The following ZCCHC10 variants were observed in gnomAD, a reference collection of about 807,000 sequenced individuals.
ZCCHC10 encodes the protein zinc finger CCHC-type containing 10.
ZCCHC10 carries 16 observed loss-of-function variants against 19.5 expected under a neutral mutation model. The ratio of observed to expected loss-of-function variants is 0.82; its 90% CI spans 0.56 to 1.25. The LOEUF is 1.25. ZCCHC10 is among the 50% of genes most tolerant of loss of function. The pLI is 0.00. For synonymous variants in ZCCHC10, 67 were observed against 72.5 expected (o/e 0.92, Z 0.38); for missense variants, 197 against 201.0 (o/e 0.98, Z 0.12).
chr5:133,005,037 C>T (rs1466954658), intron 3 of ZCCHC10, among the ~76,000 whole-genome samples: 5 of 152,004 alleles, frequency 3.3e-5, no homozygotes, highest in African/African-American at 9.6e-5. Context: ...CGGTGGCTCA[C>T]GCCTGTAATC....
chr5:133,010,141 C>G (rs148154605), intron 2 of ZCCHC10, among the ~76,000 whole-genome samples: 2,340 of 151,218 alleles, frequency 0.015, 76 homozygotes, highest in African/African-American at 0.055. Context: ...CTCTGCCCCC[C>G]AGGTTCAAGC....
At position 133,005,143 on chromosome 5, in the gene ZCCHC10, C is replaced by CA. The variant is rs1218917686; in HGVS notation, c.269+1615dup. On this transcript the variant is annotated intron_variant, in intron 3 of 4. Transcript: ENST00000509437. The stretch of plus-strand genomic sequence containing the variant: ...TGAAACCCAGTCTCTACTAAAAATA[C>CA]AAAAAATTAGCCAGGTGTTGTTGCA... 2.0e-5 allele frequency among the ~76,000 whole-genome samples: 3 copies of CA among 151,624 alleles called. No individual in the cohort carries two copies. The East Asian group carries it at 5.9e-4, about 30-fold the overall frequency.
chr5:133,012,064 G>C (rs1763577146), intron 2 of ZCCHC10, among the ~76,000 whole-genome samples: 1 of 149,832 alleles, frequency 6.7e-6, no homozygotes. Context: ...TCAAACCTGG[G>C]AGGCAGAGGT....
At chr5:133,023,755 G>A (rs1764487366) in intron 1 of ZCCHC10, among the ~76,000 whole-genome samples, 1 of 143,718 alleles carries the variant, frequency 7.0e-6, no homozygotes, top group East Asian at 2.0e-4. Context: ...TGGGCAACAA[G>A]AGCAAAACTC....
chr5:133,006,817 T>C lies in ZCCHC10; in HGVS notation c.211A>G (p.Thr71Ala). 1 of 1,612,070 alleles carries C rather than the reference T, an allele frequency of 6.2e-7. No individual in the cohort carries two copies. Among genetic ancestry groups the C allele is most frequent in the Non-Finnish European group, 8.5e-7 (1 of 1,179,568 alleles). ...KRKYLHRPSR[T>A]AELKKALKEK... The stretch of plus-strand genomic sequence containing the variant: ...TTTAAAGCTTTCTTTAGTTCTGCTG[T>C]CCTTGAGGGCCTATGTAGGTATTTT... Residue 71 changes from threonine to alanine, a missense_variant, in exon 3 of 5, where the codon ACA becomes GCA. By Grantham distance (58) the Thr-to-Ala change is moderately conservative. Coordinates refer to ENST00000509437, the MANE Select transcript of ZCCHC10 (RefSeq NM_001300816.3).
intron 2 of ZCCHC10, among the ~76,000 whole-genome samples, chr5:133,010,941 G>GCCA (rs1471667940): frequency 1.3e-5 from 2 of 149,460 alleles, no homozygotes; most frequent in African/African-American, 4.9e-5. Context: ...ACAGGCGCCT[G>GCCA]CCACCACACC....
chr5:132,998,764 G>A lies in ZCCHC10; in HGVS notation c.398C>T (p.Ser133Phe). Residue 133 changes from serine (S) to phenylalanine (F), a missense_variant, in exon 5 of 5, where the codon TCT (serine) becomes TTT (phenylalanine). Ser to Phe is a radical substitution (Grantham distance 155). Transcript: ENST00000509437. ...SSSESEETST[S>F]SSSEDSDTDE... ...AGTGTCACTGTCCTCTGAGGAGGAAGAGGTAGATGTTTCTTCACTCTCTGA... is the reference window on the plus strand; with the variant it reads ...AGTGTCACTGTCCTCTGAGGAGGAAAAGGTAGATGTTTCTTCACTCTCTGA... 1 of 1,614,182 alleles carries A rather than the reference G, an allele frequency of 6.2e-7. No individual in the cohort carries two copies. The highest frequency in any genetic ancestry group is 8.5e-7 in the Non-Finnish European group (1 of 1,180,046).
intron 2 of ZCCHC10, among the ~76,000 whole-genome samples, chr5:133,014,413 C>G (rs1411458295): frequency 1.3e-5 from 2 of 152,122 alleles, no homozygotes; most frequent in Non-Finnish European, 2.9e-5. Flanking sequence ...GATCCGCCCA[C>G]CCCAGCCTCC....
intron 3 of ZCCHC10, 78 bp from the exon 4 acceptor site, chr5:133,000,251 C>T (rs748960489): frequency 1.3e-6 from 2 of 1,504,124 alleles, no homozygotes; most frequent in Non-Finnish European, 1.8e-6. Context: ...TCTACTATCC[C>T]CCAAATCATT....
At chr5:133,026,175 C>T (rs1050376235) in intron 1 of ZCCHC10, among the ~76,000 whole-genome samples, 1 of 152,200 alleles carries the variant, frequency 6.6e-6, no homozygotes, top group Non-Finnish European at 1.5e-5. Context: ...TCAGGGCTCC[C>T]CTGTCCACGC....
At chr5:133,022,182 T>C (rs1343460576) in intron 2 of ZCCHC10, among the ~76,000 whole-genome samples, 4 of 152,182 alleles carry the variant, frequency 2.6e-5, no homozygotes, top group Admixed American at 2.6e-4. Flanking sequence ...TGTACAAAAA[T>C]TTTTTCTTTC....
chr5:133,011,647 AAC>A lies in ZCCHC10; in HGVS notation c.108-4729_108-4728del, dbSNP rs1491150350. Reference sequence around the variant, plus strand: ...TCTAAAAAAAAAAAAAAAAAAAAAAAACCTGACTGAGATAAATTAAATACCAA... The same window carrying A: ...TCTAAAAAAAAAAAAAAAAAAAAAAACTGACTGAGATAAATTAAATACCAA... On this transcript the variant is annotated intron_variant, in intron 2 of 4. Coordinates refer to ENST00000509437, the MANE Select transcript of ZCCHC10 (RefSeq NM_001300816.3). Among the ~76,000 whole-genome samples, 1,231 of 150,154 alleles carry A rather than the reference AAC, an allele frequency of 8.2e-3. 16 individuals are homozygous for A. Among genetic ancestry groups the A allele is most frequent in the African/African-American group, 0.029 (1,188 of 40,410 alleles).
chr5:133,002,124 C>T (rs1055299869), intron 3 of ZCCHC10, among the ~76,000 whole-genome samples: 3 of 151,596 alleles, frequency 2.0e-5, no homozygotes, highest in Admixed American at 6.6e-5. Flanking sequence ...CTATGTCTGG[C>T]TAATTTTTTT....
rs147220105 is a variant in ZCCHC10, at chr5:133,018,446, C to T, written c.107+4395G>A. ...ACGGAGTCTTCCTCTGTCGTCCAGG[C>T]TGGAGTACAGTGGCGCAATCTCGGT... On this transcript the variant is annotated intron_variant, in intron 2 of 4. Transcript: ENST00000509437. Among the ~76,000 whole-genome samples, 663 of 152,140 alleles carry T rather than the reference C, an allele frequency of 4.4e-3. 4 individuals are homozygous for T. The highest frequency in any genetic ancestry group is 0.014 in the African/African-American group (598 of 41,514).
chr5:133,018,212 G>A (rs148029764), intron 2 of ZCCHC10, among the ~76,000 whole-genome samples: 1 of 151,064 alleles, frequency 6.6e-6, no homozygotes, highest in African/African-American at 2.4e-5. Flanking sequence ...AAGGCCAGGT[G>A]TGTTGGTTCA....
At chr5:133,005,012 ACT>A (rs1051513205) in intron 3 of ZCCHC10, among the ~76,000 whole-genome samples, 61 of 151,836 alleles carry the variant, frequency 4.0e-4, no homozygotes, top group African/African-American at 1.4e-3. Context: ...AAAAGAATTT[ACT>A]CTCAGCTGGG....
chr5:133,010,746 C>T (rs965477480), intron 2 of ZCCHC10, among the ~76,000 whole-genome samples: 7 of 152,092 alleles, frequency 4.6e-5, no homozygotes, highest in African/African-American at 1.7e-4. Context: ...GCTGCGATTA[C>T]AGGCATGAAT....
At chr5:133,024,998 CTCT>C (rs1161237473) in intron 1 of ZCCHC10, among the ~76,000 whole-genome samples, 1 of 152,000 alleles carries the variant, frequency 6.6e-6, no homozygotes, top group Non-Finnish European at 1.5e-5. Context: ...ATTTGAGGAA[CTCT>C]TCTTATCAGG....
intron 2 of ZCCHC10, among the ~76,000 whole-genome samples, chr5:133,010,135 G>GC (rs1561542882): frequency 1.3e-5 from 2 of 149,808 alleles, no homozygotes; most frequent in African/African-American, 2.5e-5. Flanking sequence ...TGCAGCCTCT[G>GC]CCCCCCAGGT....
Sources: allele counts gnomAD v4.1 joint callset (sites outside exome capture counted in the v4.1 genomes callset), GRCh38; gene constraint gnomAD v4.1.1; transcripts MANE v1.5; gene names NCBI Gene and HGNC (gene_info 2026-07-23, HGNC 2026-07-21).